Variants in IFT43 observed in about 807,000 individuals in gnomAD.
IFT43 encodes intraflagellar transport protein 43 homolog.
In IFT43, 33 loss-of-function variants were observed where a neutral mutation model predicts 32.3. That is an observed-to-expected ratio of 1.02 (90% CI 0.77 to 1.37). IFT43 has a LOEUF of 1.37. Among genes scored for constraint, IFT43 ranks in the 40% most tolerant of loss-of-function variants. The pLI, the probability that IFT43 is intolerant of heterozygous loss-of-function variation, is 0.00. For missense variants in IFT43, 274 were observed against 265.9 expected (o/e 1.03, Z -0.21); for synonymous variants, 93 against 98.2 (o/e 0.95, Z 0.31).
At chr14:76,041,799 A>C (rs998639686) in intron 3 of IFT43, among the ~76,000 whole-genome samples, 2 of 152,032 alleles carry the variant, frequency 1.3e-5, no homozygotes, top group African/African-American at 4.8e-5. Context: ...TGCATCTTAC[A>C]TTCTTTTTTA....
intron 2 of IFT43, among the ~76,000 whole-genome samples, chr14:75,996,338 C>T (rs558632628): frequency 5.3e-5 from 8 of 152,316 alleles, no homozygotes; most frequent in Non-Finnish European, 1.2e-4. Context: ...GTTTCCTCAT[C>T]TGTTGAATGG....
At position 76,082,451 on chromosome 14, in the gene IFT43, T is replaced by G; in HGVS notation, c.368+84T>G. On this transcript the variant is annotated intron_variant, in intron 6 of 8. Transcript: ENST00000314067. ...ATATCATCTATAGTGGACCTTGATGTCAATCTGGATCTTTCTGGTGTTGGG... is the reference window on the plus strand; with the variant it reads ...ATATCATCTATAGTGGACCTTGATGGCAATCTGGATCTTTCTGGTGTTGGG... The G allele has an allele frequency of 3.4e-6, 4 of 1,164,444 alleles. No individual in the cohort carries two copies. The Admixed American group carries it at 6.7e-5, about 20-fold the overall frequency. 72.1% of individuals were successfully genotyped at this position (1,164,444 alleles called of 1,614,324 possible).
intron 3 of IFT43, among the ~76,000 whole-genome samples, chr14:76,043,047 G>T (rs1356560464): frequency 6.6e-6 from 1 of 152,168 alleles, no homozygotes; most frequent in African/African-American, 2.4e-5. Flanking sequence ...GAAGAGAGGT[G>T]TAGTGTAGCA....
At chr14:75,990,207 A>C (rs1236257441) in intron 2 of IFT43, among the ~76,000 whole-genome samples, 1 of 152,250 alleles carries the variant, frequency 6.6e-6, no homozygotes, top group African/African-American at 2.4e-5. Context: ...ATACAGGCCC[A>C]GTATTGCCAG....
intron 3 of IFT43, among the ~76,000 whole-genome samples, chr14:76,055,771 A>G (rs1310761768): frequency 6.6e-6 from 1 of 152,228 alleles, no homozygotes; most frequent in Non-Finnish European, 1.5e-5. Context: ...TTCTATAAAG[A>G]AATATACTCT....
chr14:76,083,949 T>G (rs2037563038), downstream of IFT43: 2 of 465,214 alleles, frequency 4.3e-6, no homozygotes, highest in Middle Eastern at 6.5e-4. Flanking sequence ...GCTGGGGTTC[T>G]GGGGCGGGGC....
intron 3 of IFT43, among the ~76,000 whole-genome samples, chr14:76,052,446 C>T (rs2036932703): frequency 6.6e-6 from 1 of 152,094 alleles, no homozygotes; most frequent in African/African-American, 2.4e-5. Flanking sequence ...TTCATGGGGT[C>T]CCTGCAGTTG....
intron 5 of IFT43, among the ~76,000 whole-genome samples, chr14:76,070,852 A>C (rs1038713957): frequency 6.6e-6 from 1 of 151,910 alleles, no homozygotes; most frequent in African/African-American, 2.4e-5. Context: ...AAGCTTCCTG[A>C]GGCCTCCCCA....
At chr14:76,042,900 G>C (rs1003918062) in intron 3 of IFT43, among the ~76,000 whole-genome samples, 26 of 152,192 alleles carry the variant, frequency 1.7e-4, no homozygotes, top group Admixed American at 6.5e-5. Flanking sequence ...GTTAAATCGG[G>C]TTAGGTTTCT....
chr14:76,046,592 A>G (rs1014640305), intron 3 of IFT43, among the ~76,000 whole-genome samples: 3 of 152,198 alleles, frequency 2.0e-5, no homozygotes, highest in Admixed American at 1.3e-4. Flanking sequence ...GATGAGGACA[A>G]CCATCACCAC....
At chr14:76,076,452 G>A in intron 5 of IFT43, 2 of 1,209,432 alleles carry the variant, frequency 1.7e-6, no homozygotes, top group Non-Finnish European at 2.4e-6. Context: ...CTCTGCCTGG[G>A]TGGGACCCAG....
intron 3 of IFT43, among the ~76,000 whole-genome samples, chr14:76,053,781 A>C (rs1025256768): frequency 1.3e-5 from 2 of 152,176 alleles, no homozygotes; most frequent in African/African-American, 2.4e-5. Context: ...TGATTCAGCA[A>C]CCTCTGTGTT....
chr14:75,987,143 C>T (rs2035544858), intron 1 of IFT43, among the ~76,000 whole-genome samples: 1 of 152,180 alleles, frequency 6.6e-6, no homozygotes, highest in Non-Finnish European at 1.5e-5. Context: ...GAGAAAACAC[C>T]TGTGAACAGC....
intron 5 of IFT43, among the ~76,000 whole-genome samples, chr14:76,064,149 A>G (rs2037189261): frequency 6.6e-6 from 1 of 152,170 alleles, no homozygotes. Context: ...TCTCTTCATG[A>G]CAGATCTTCC....
chr14:76,057,334 C>T (rs1203583790), intron 3 of IFT43, among the ~76,000 whole-genome samples: 5 of 152,036 alleles, frequency 3.3e-5, no homozygotes, highest in Non-Finnish European at 7.4e-5. Flanking sequence ...CGTGTTCAAG[C>T]GATTCTCCTG....
intron 2 of IFT43, among the ~76,000 whole-genome samples, chr14:76,005,921 C>G (rs1486154243): frequency 6.6e-6 from 1 of 151,418 alleles, no homozygotes; most frequent in East Asian, 1.9e-4. Flanking sequence ...ACTACTTTCC[C>G]ATTATGTGCC....
chr14:76,066,223 T>C (rs2037222538), intron 5 of IFT43, among the ~76,000 whole-genome samples: 2 of 152,274 alleles, frequency 1.3e-5, no homozygotes, highest in African/African-American at 2.4e-5. Context: ...AGAATACTTC[T>C]AGTATTTTTT....
chr14:76,063,276 C>A (rs370617712), intron 5 of IFT43, among the ~76,000 whole-genome samples: 1 of 152,224 alleles, frequency 6.6e-6, no homozygotes, highest in Non-Finnish European at 1.5e-5. Context: ...TAATGCGTAA[C>A]CCCCTCTAAG....
At chr14:76,031,506 G>A (rs1340697022) in intron 3 of IFT43, among the ~76,000 whole-genome samples, 13 of 152,174 alleles carry the variant, frequency 8.5e-5, no homozygotes, top group African/African-American at 2.2e-4. Context: ...AGAAGGTGAC[G>A]CAGAAATGCA....
Sources: gnomAD v4.1 joint callset for allele counts (sites outside exome capture counted in the v4.1 genomes callset) on GRCh38, gnomAD v4.1.1 for gene constraint, MANE v1.5 for transcripts, NCBI Gene and HGNC (gene_info 2026-07-23, HGNC 2026-07-21) for gene names.